CEP63: variants seen among roughly 807,000 people sequenced by gnomAD.
CEP63 encodes the protein centrosomal protein 63.
In CEP63, 84 loss-of-function variants were observed where a neutral mutation model predicts 89.1. That is an observed-to-expected ratio of 0.94 (90% CI 0.79 to 1.13). CEP63 has a LOEUF of 1.13. CEP63 is among the 50% of genes most tolerant of loss of function. The pLI is 0.00. For missense variants in CEP63, 838 were observed against 813.3 expected, an observed-to-expected ratio of 1.03 and a Z score of -0.37; for synonymous variants, 267 against 272.5, an observed-to-expected ratio of 0.98 and a Z score of 0.20.
At chr3:134,536,827 T>C (rs1353003193) in intron 5 of CEP63, 2 of 337,726 alleles carry the variant, frequency 5.9e-6, no homozygotes, top group Non-Finnish European at 1.2e-5. Flanking sequence ...GCATCAGTTT[T>C]CTGAAAATTC....
the CEP63 span, among the ~76,000 whole-genome samples, chr3:134,729,432 C>G: frequency 2.6e-5 from 4 of 152,196 alleles, no homozygotes; most frequent in Non-Finnish European, 4.4e-5. Context: ...GAAACATGCT[C>G]ATTTTTAATG....
chr3:134,645,179 A>G, the CEP63 span, among the ~76,000 whole-genome samples: 2 of 152,220 alleles, frequency 1.3e-5, no homozygotes, highest in Admixed American at 6.5e-5. Flanking sequence ...AAAGTAGCCA[A>G]TCACAGCAGG....
At chr3:134,748,856 A>G in the CEP63 span, among the ~76,000 whole-genome samples, 1 of 152,304 alleles carries the variant, frequency 6.6e-6, no homozygotes, top group African/African-American at 2.4e-5. Flanking sequence ...CAGGCTAGTC[A>G]GGGAGGGAGG....
At chr3:134,677,143 AGGAGAATTGCTTGAACCCGG>A in the CEP63 span, among the ~76,000 whole-genome samples, 1 of 82,374 alleles carries the variant, frequency 1.2e-5, no homozygotes, top group African/African-American at 5.3e-5. Context: ...AAGCTGAGGC[AGGAGAATTGCTTGAACCCGG>A]CAGGAGAATT....
intron 3 of CEP63, among the ~76,000 whole-genome samples, chr3:134,523,988 C>T (rs1948081076): frequency 6.6e-6 from 1 of 152,134 alleles, no homozygotes; most frequent in Non-Finnish European, 1.5e-5. Flanking sequence ...GGCAGTATAG[C>T]CATTTTAATG....
At chr3:134,591,031 T>C (rs1958586904), downstream of CEP63, among the ~76,000 whole-genome samples, 1 of 152,236 alleles carries the variant, frequency 6.6e-6, no homozygotes, top group Non-Finnish European at 1.5e-5. Flanking sequence ...TCTTGGTCTC[T>C]GTCCCTCACT....
At chr3:134,648,477 C>T in the CEP63 span, among the ~76,000 whole-genome samples, 1 of 152,116 alleles carries the variant, frequency 6.6e-6, no homozygotes, top group African/African-American at 2.4e-5. Context: ...TGGGTCTTGC[C>T]CCAGGCAGCT....
the CEP63 span, among the ~76,000 whole-genome samples, chr3:134,770,627 C>T: frequency 6.6e-6 from 1 of 152,068 alleles, no homozygotes; most frequent in Non-Finnish European, 1.5e-5. Context: ...TGTCAAATAC[C>T]ATTCAAAATG....
At chr3:134,609,112 C>G in the CEP63 span, among the ~76,000 whole-genome samples, 28 of 152,206 alleles carry the variant, frequency 1.8e-4, no homozygotes, top group African/African-American at 6.8e-4. Flanking sequence ...CTGCCTCATG[C>G]TCAAAGACAA....
chr3:134,536,501 G>A (rs1950801110), intron 5 of CEP63: 1 of 153,548 alleles, frequency 6.5e-6, no homozygotes, highest in Admixed American at 6.4e-5. Context: ...CATGCAATTT[G>A]ATGTTACTAT....
At chr3:134,552,064 T>G (rs1047803912) in intron 12 of CEP63, 52 bp downstream of exon 12, 4 of 953,334 alleles carry the variant, frequency 4.2e-6, no homozygotes, top group Non-Finnish European at 6.7e-6. Context: ...TCAAAAAAAT[T>G]ACTTTGTAAA....
chr3:134,675,709 T>C, the CEP63 span, among the ~76,000 whole-genome samples: 1 of 152,172 alleles, frequency 6.6e-6, no homozygotes, highest in Admixed American at 6.5e-5. Context: ...GATTAAATAA[T>C]GGCCAAAGGC....
At position 134,559,217 on chromosome 3, in the gene CEP63, C is replaced by G; in HGVS notation, c.1741C>G (p.Pro581Ala). ...GCACTACAAAACAGATCTTCATTCT[C>G]CAAGAGGACAAGCGTCGGATAGTAT... ...TEHYKTDLHS[P>A]RGQASDSINP... The change falls in exon 14 of 15, where the codon CCA becomes GCA. Residue 581 changes from proline to alanine, a missense_variant. By Grantham distance (27) the Pro-to-Ala change is conservative. Transcript: ENST00000675561. 1.9e-6 allele frequency: 3 copies of G among 1,614,136 alleles called. No individual in the cohort carries two copies. Among genetic ancestry groups the G allele is most frequent in the South Asian group, 1.1e-5 (1 of 91,078 alleles).
At chr3:134,609,609 A>C in the CEP63 span, among the ~76,000 whole-genome samples, 1 of 152,180 alleles carries the variant, frequency 6.6e-6, no homozygotes. Flanking sequence ...GGTTAAGGCC[A>C]GGATTGGCCA....
At chr3:134,603,699 C>T in the CEP63 span, 1 of 1,613,812 alleles carries the variant, frequency 6.2e-7, no homozygotes. Flanking sequence ...CCCAGTAGCC[C>T]TCGTGGTTCA....
the CEP63 span, among the ~76,000 whole-genome samples, chr3:134,647,018 A>G: frequency 6.6e-6 from 1 of 152,102 alleles, no homozygotes; most frequent in Non-Finnish European, 1.5e-5. Context: ...GAGCTATAGA[A>G]CCCTTGAGTG....
the CEP63 span, among the ~76,000 whole-genome samples, chr3:134,681,614 G>A: frequency 5.3e-5 from 8 of 152,214 alleles, no homozygotes; most frequent in Non-Finnish European, 1.2e-4. Flanking sequence ...GGCAAAAGGG[G>A]TTTAGTATGA....
intron 2 of CEP63, among the ~76,000 whole-genome samples, chr3:134,499,906 C>T (rs1182036301): frequency 7.0e-6 from 1 of 142,482 alleles, no homozygotes; most frequent in African/African-American, 2.6e-5. Context: ...TCACTGCAAC[C>T]TCTGTCTTCT....
At chr3:134,544,879 A>T (rs1306933635) in intron 6 of CEP63, among the ~76,000 whole-genome samples, 1 of 152,076 alleles carries the variant, frequency 6.6e-6, no homozygotes, top group African/African-American at 2.4e-5. Flanking sequence ...ACAGGTTCTT[A>T]CTTTGTCACG....
Sources: gnomAD v4.1 joint callset for allele counts (sites outside exome capture counted in the v4.1 genomes callset) on GRCh38, gnomAD v4.1.1 for gene constraint, MANE v1.5 for transcripts, NCBI Gene and HGNC (gene_info 2026-07-23, HGNC 2026-07-21) for gene names.